The following SLC4A8 variants were observed in gnomAD, a reference collection of about 807,000 sequenced individuals.
SLC4A8 encodes the protein electroneutral sodium bicarbonate exchanger 1.
Under a neutral mutation model 125.0 loss-of-function variants are expected in SLC4A8, and 40 were observed. The observed-to-expected ratio is 0.32, with a 90% CI of 0.25 to 0.42. The LOEUF (loss-of-function observed/expected upper bound fraction) is 0.42, where lower values mean the gene tolerates loss of function less well. Among genes scored for constraint, SLC4A8 ranks in the 10% least tolerant of loss-of-function variants. SLC4A8 has a pLI of 1.00. For synonymous variants in SLC4A8, 456 were observed against 476.0 expected (o/e 0.96, Z 0.55); for missense variants, 863 against 1,355.1 (o/e 0.64, Z 5.70).
At chr12:51,504,641 C>T (rs1031957347) in intron 23 of SLC4A8, among the ~76,000 whole-genome samples, 2 of 152,148 alleles carry the variant, frequency 1.3e-5, no homozygotes, top group Admixed American at 6.5e-5. Flanking sequence ...AGTTCTCAGC[C>T]TAGTAGGCAT....
chr12:51,495,290 CA>C (rs1951431665), intron 21 of SLC4A8, among the ~76,000 whole-genome samples, 172 bp downstream of exon 21: 1 of 152,070 alleles, frequency 6.6e-6, no homozygotes, highest in Admixed American at 6.6e-5. Flanking sequence ...TTACATCTTG[CA>C]AAGCTGAAAC....
chr12:51,480,227 G>A (rs1025881811), intron 16 of SLC4A8: 2 of 1,261,410 alleles, frequency 1.6e-6, no homozygotes, highest in Admixed American at 2.5e-5. Flanking sequence ...GCATGAGCCT[G>A]GCCAAGTGCT....
chr12:51,472,816 T>C (rs757258792), intron 14 of SLC4A8, among the ~76,000 whole-genome samples: 8 of 152,242 alleles, frequency 5.3e-5, no homozygotes, highest in African/African-American at 2.4e-5. Context: ...ATGGTGCTGA[T>C]GTGAAGCTAG....
At chr12:51,445,913 G>C (rs994516630) in intron 2 of SLC4A8, among the ~76,000 whole-genome samples, 9 of 152,230 alleles carry the variant, frequency 5.9e-5, no homozygotes, top group Non-Finnish European at 1.3e-4. Context: ...TGTATCCCCA[G>C]CCCTTGGGAC....
chr12:51,489,597 C>G, intron 18 of SLC4A8, 103 bp from the exon 19 acceptor site: 1 of 1,445,122 alleles, frequency 6.9e-7, no homozygotes, highest in Non-Finnish European at 9.4e-7. Flanking sequence ...TCCTTCTTAT[C>G]CATACACCCC....
chr12:51,404,083 G>A (rs1220074158), intron 1 of SLC4A8, among the ~76,000 whole-genome samples: 1 of 152,204 alleles, frequency 6.6e-6, no homozygotes, highest in Non-Finnish European at 1.5e-5. Context: ...AGACTTGTGA[G>A]CAAATCATAA....
At chr12:51,405,916 A>T (rs1296248062) in intron 1 of SLC4A8, among the ~76,000 whole-genome samples, 1 of 152,248 alleles carries the variant, frequency 6.6e-6, no homozygotes, top group Non-Finnish European at 1.5e-5. Context: ...GAGCCATGTC[A>T]TGATGCCTAT....
At chr12:51,412,886 A>G (rs1948621116) in intron 1 of SLC4A8, among the ~76,000 whole-genome samples, 1 of 152,226 alleles carries the variant, frequency 6.6e-6, no homozygotes, top group African/African-American at 2.4e-5. Flanking sequence ...ATGGAGATGC[A>G]AGTATCCCTT....
At chr12:51,431,701 T>C (rs950590309) in intron 1 of SLC4A8, among the ~76,000 whole-genome samples, 1 of 152,070 alleles carries the variant, frequency 6.6e-6, no homozygotes, top group Non-Finnish European at 1.5e-5. Flanking sequence ...GGTGATGGAC[T>C]CCCCAAAGGG....
intron 16 of SLC4A8, among the ~76,000 whole-genome samples, chr12:51,483,367 G>A (rs1297551029): frequency 1.4e-5 from 2 of 143,298 alleles, no homozygotes; most frequent in Non-Finnish European, 3.1e-5. Flanking sequence ...AAAAAAAAAA[G>A]AAAGAAAAAG....
intron 9 of SLC4A8, chr12:51,461,942 C>T (rs1285766703): frequency 2.0e-5 from 4 of 204,182 alleles, no homozygotes; most frequent in East Asian, 3.3e-4. Flanking sequence ...CCAGTGTTTC[C>T]AACCTTTAAG....
upstream of SLC4A8, among the ~76,000 whole-genome samples, chr12:51,420,637 G>A (rs1046777893): frequency 7.9e-5 from 12 of 152,148 alleles, no homozygotes; most frequent in Admixed American, 3.9e-4. Flanking sequence ...AAGACCCACC[G>A]CTTTCCCCAA....
chr12:51,428,979 G>A (rs550016758), intron 1 of SLC4A8, among the ~76,000 whole-genome samples: 3 of 151,586 alleles, frequency 2.0e-5, no homozygotes, highest in East Asian at 1.9e-4. Context: ...GCATGATCTC[G>A]GCTCACTGCA....
chr12:51,504,187 G>T (rs1247274886), intron 23 of SLC4A8, 67 bp downstream of exon 23: 1 of 959,606 alleles, frequency 1.0e-6, no homozygotes, highest in Admixed American at 2.1e-5. Flanking sequence ...CTTTGTGGTG[G>T]TGGTGGTGTC....
chr12:51,465,316 A>G (rs554719770), intron 11 of SLC4A8, among the ~76,000 whole-genome samples: 13 of 152,348 alleles, frequency 8.5e-5, no homozygotes, highest in African/African-American at 3.1e-4. Flanking sequence ...CCTCAAACCA[A>G]TATCTGTGCA....
chr12:51,458,414 G>T, intron 6 of SLC4A8, 145 bp from the exon 7 acceptor site: 1 of 629,000 alleles, frequency 1.6e-6, no homozygotes, highest in Non-Finnish European at 2.9e-6. Flanking sequence ...AGAAAGATGT[G>T]TGTGGGTCTT....
intron 1 of SLC4A8, among the ~76,000 whole-genome samples, chr12:51,397,594 A>C (rs1218532517): frequency 6.6e-6 from 1 of 152,240 alleles, no homozygotes; most frequent in Admixed American, 6.5e-5. Context: ...TCACAAAAAA[A>C]GAAGACAAGT....
At chr12:51,418,014 T>C (rs1376270046) in intron 1 of SLC4A8, among the ~76,000 whole-genome samples, 1 of 152,216 alleles carries the variant, frequency 6.6e-6, no homozygotes, top group African/African-American at 2.4e-5. Context: ...TCTGGAATTA[T>C]AAGGGTGCAA....
At chr12:51,436,674 T>C (rs751597269) in intron 1 of SLC4A8, among the ~76,000 whole-genome samples, 40 of 152,212 alleles carry the variant, frequency 2.6e-4, no homozygotes, top group Non-Finnish European at 5.4e-4. Context: ...TCATCCAGGC[T>C]GGAGTGCAAT....
Sources: allele counts gnomAD v4.1 joint callset (sites outside exome capture counted in the v4.1 genomes callset), GRCh38; gene constraint gnomAD v4.1.1; transcripts MANE v1.5; gene names NCBI Gene and HGNC (gene_info 2026-07-23, HGNC 2026-07-21).